Variants in PITPNM3 observed in about 807,000 individuals in gnomAD.
The protein encoded by PITPNM3 is PITPNM family member 3, also known as membrane-associated phosphatidylinositol transfer protein 3.
PITPNM3 carries 26 observed loss-of-function variants against 102.0 expected under a neutral mutation model. The ratio of observed to expected loss-of-function variants is 0.25; its 90% CI spans 0.19 to 0.35. The LOEUF (loss-of-function observed/expected upper bound fraction) is 0.35. Ranked by LOEUF, PITPNM3 falls within the 10% of genes least tolerant of loss-of-function variation. The pLI is 1.00. For synonymous variants in PITPNM3, 578 were observed against 558.6 expected (o/e 1.03, Z -0.49); for missense variants, 1,083 against 1,346.1 (o/e 0.80, Z 3.06).
chr17:6,551,435 T>G (rs924184928), intron 1 of PITPNM3, among the ~76,000 whole-genome samples: 6 of 152,100 alleles, frequency 3.9e-5, no homozygotes, highest in Non-Finnish European at 8.8e-5. Flanking sequence ...AACCTTCCCA[T>G]TGGGGACCAA....
intron 8 of PITPNM3, 74 bp downstream of exon 8, chr17:6,477,901 A>G: frequency 6.3e-7 from 1 of 1,597,986 alleles, no homozygotes; most frequent in South Asian, 1.1e-5. Context: ...GTGAAGAACC[A>G]GCACTCTCTC....
Position 6,457,664 on chromosome 17 carries a change from A to G in PITPNM3, c.2549T>C (p.Val850Ala). ...GATCTGGGAGGCAGGCAGGCCCAGCACGCTGTAGACAGAGATGTCCTTCGT... is the reference window on the plus strand; with the variant it reads ...GATCTGGGAGGCAGGCAGGCCCAGCGCGCTGTAGACAGAGATGTCCTTCGT... The part of the protein sequence containing the change: ...GSTKDISVYS[V>A]LGLPASQIFI... Residue 850 changes from valine (V) to alanine (A), a missense_variant, in exon 19 of 20, where the codon GTG becomes GCG. Val to Ala is a moderately conservative substitution (Grantham distance 64). Coordinates refer to ENST00000262483, the MANE Select transcript of PITPNM3 (RefSeq NM_031220.4). The surrounding 1 kb of genome is among the most constrained non-coding windows in gnomAD (Gnocchi z 4.7). 6.2e-7 allele frequency: 1 copy of G among 1,609,648 alleles called. No individual in the cohort carries two copies. The highest frequency in any genetic ancestry group is 8.5e-7 in the Non-Finnish European group (1 of 1,178,260).
chr17:6,489,609 G>T (rs1906316622), intron 4 of PITPNM3, among the ~76,000 whole-genome samples: 1 of 152,076 alleles, frequency 6.6e-6, no homozygotes, highest in South Asian at 2.1e-4. Context: ...TGCCTCCTCA[G>T]AGAGACTCTT....
At chr17:6,546,414 A>G (rs1483915310) in intron 1 of PITPNM3, among the ~76,000 whole-genome samples, 1 of 152,266 alleles carries the variant, frequency 6.6e-6, no homozygotes, top group African/African-American at 2.4e-5. Context: ...GGCTGACTTC[A>G]GATTGCAGAA....
chr17:6,495,666 T>A (rs906029719), intron 4 of PITPNM3, among the ~76,000 whole-genome samples: 1 of 152,020 alleles, frequency 6.6e-6, no homozygotes, highest in East Asian at 1.9e-4. Context: ...CATGTGTGCA[T>A]GCTGCAGGCA....
chr17:6,503,652 G>A, intron 3 of PITPNM3, 78 bp from the exon 4 acceptor site: 5 of 1,435,264 alleles, frequency 3.5e-6, no homozygotes, highest in South Asian at 1.2e-5. Flanking sequence ...AGGCTGCTTG[G>A]AGCTGCCTCT....
At chr17:6,492,401 T>C (rs543546561) in intron 4 of PITPNM3, among the ~76,000 whole-genome samples, 2 of 152,226 alleles carry the variant, frequency 1.3e-5, no homozygotes, top group Admixed American at 6.5e-5. Flanking sequence ...AACCTCCTAT[T>C]TTAGTCAATA....
intron 1 of PITPNM3, among the ~76,000 whole-genome samples, chr17:6,550,774 C>A (rs1236994845): frequency 2.0e-5 from 3 of 152,200 alleles, no homozygotes; most frequent in Admixed American, 6.5e-5. Context: ...CTGTGTCCTG[C>A]CACACTGGAC....
intron 3 of PITPNM3, among the ~76,000 whole-genome samples, chr17:6,514,610 T>A (rs1908049340): frequency 6.6e-6 from 1 of 152,188 alleles, no homozygotes; most frequent in South Asian, 2.1e-4. Context: ...GTAACAAGTG[T>A]TGGCAAGGAT....
At chr17:6,495,675 C>G (rs1906764101) in intron 4 of PITPNM3, among the ~76,000 whole-genome samples, 1 of 152,024 alleles carries the variant, frequency 6.6e-6, no homozygotes, top group Non-Finnish European at 1.5e-5. Context: ...ATGCTGCAGG[C>G]ACCCTTCCCC....
Position 6,470,401 on chromosome 17 carries a change from G to A in PITPNM3, c.1632C>T (p.Ala544=). The A allele has an allele frequency of 1.2e-6, 2 of 1,614,136 alleles. No individual in the cohort carries two copies. Among genetic ancestry groups the A allele is most frequent in the Non-Finnish European group, 1.7e-6 (2 of 1,180,026 alleles). The change falls in exon 13 of 20, where the codon GCC becomes GCT. Residue 544 remains alanine (A), a synonymous_variant. Coordinates refer to ENST00000262483, the MANE Select transcript of PITPNM3 (RefSeq NM_031220.4). This position sits in a 1 kb window ranked among gnomAD's most constrained non-coding sequence, Gnocchi z 4.8. The part of the protein sequence containing the change: ...MAPVGASRIT[A]KWWGSKRIDY... ...CGATCCTCTTGCTTCCCCACCACTTGGCTGTGACTGTGGGTCGGAGAGGAA... is the reference window on the plus strand; with the variant it reads ...CGATCCTCTTGCTTCCCCACCACTTAGCTGTGACTGTGGGTCGGAGAGGAA...
intron 9 of PITPNM3, among the ~76,000 whole-genome samples, chr17:6,476,139 A>C (rs1487341228): frequency 6.9e-6 from 1 of 145,392 alleles, no homozygotes; most frequent in Non-Finnish European, 1.5e-5. Flanking sequence ...TTATATCAGG[A>C]AAAGATCACA....
chr17:6,464,091 C>T (rs960308393), intron 16 of PITPNM3, 79 bp downstream of exon 16: 1 of 1,604,312 alleles, frequency 6.2e-7, no homozygotes, highest in Non-Finnish European at 8.5e-7. Context: ...ACCCCAAGGA[C>T]CCCATCCTCT....
chr17:6,480,480 G>C (rs1358278827), intron 6 of PITPNM3: 3 of 152,278 alleles, frequency 2.0e-5, no homozygotes, highest in Non-Finnish European at 4.4e-5. Context: ...CATTCTCCTG[G>C]GGAATTCGGA....
At chr17:6,488,572 T>C (rs1283391899) in intron 4 of PITPNM3, among the ~76,000 whole-genome samples, 1 of 152,174 alleles carries the variant, frequency 6.6e-6, no homozygotes, top group Non-Finnish European at 1.5e-5. Flanking sequence ...GACATCTCTG[T>C]GCCATTAAAC....
In PITPNM3 at chr17:6,466,024, G is replaced by A. The variant is rs189176451; in HGVS notation, c.1891-1253C>T. On this transcript the variant is annotated intron_variant, in intron 14 of 19. Transcript: ENST00000262483. ...CCCCACTGCCCTCTGCGTAGAGTCC[G>A]GAACCTGAGCTTAGCTTTCCAAGGC... Among the ~76,000 whole-genome samples, 86 of 152,290 alleles carry A rather than the reference G, an allele frequency of 5.6e-4. No individual in the cohort carries two copies. In the East Asian group the frequency reaches 0.012, roughly 21 times the overall value.
intron 3 of PITPNM3, among the ~76,000 whole-genome samples, chr17:6,514,040 T>A (rs1908011990): frequency 6.6e-6 from 1 of 152,206 alleles, no homozygotes; most frequent in South Asian, 2.1e-4. Context: ...GTCTTTTCAA[T>A]AAATGGTGCC....
chr17:6,513,059 A>G (rs542806236), intron 3 of PITPNM3, among the ~76,000 whole-genome samples: 27 of 150,004 alleles, frequency 1.8e-4, no homozygotes, highest in African/African-American at 6.6e-4. Flanking sequence ...GAACATCTCA[A>G]TACATGTCTG....
At chr17:6,516,563 C>CA (rs34384161) in intron 3 of PITPNM3, among the ~76,000 whole-genome samples, 65,591 of 113,528 alleles carry the variant, frequency 0.58, 18,187 homozygotes, top group Middle Eastern at 0.62. Flanking sequence ...GACTCCGCCT[C>CA]AAAAAAAAAA....
Sources: gnomAD v4.1 joint callset for allele counts (sites outside exome capture counted in the v4.1 genomes callset) on GRCh38, gnomAD v4.1.1 for gene constraint, Gnocchi (gnomAD v3.1) non-coding constraint, MANE v1.5 for transcripts, NCBI Gene and HGNC (gene_info 2026-07-23, HGNC 2026-07-21) for gene names.